The following RORA variants were observed in gnomAD, a reference collection of about 807,000 sequenced individuals.
RORA encodes the protein RAR related orphan receptor A, also known as nuclear receptor ROR-alpha.
Under a neutral mutation model 69.5 loss-of-function variants are expected in RORA, and 7 were observed. The observed-to-expected ratio is 0.10, with a 90% CI of 0.06 to 0.19. RORA has a LOEUF of 0.19. Among genes scored for constraint, RORA ranks in the 10% least tolerant of loss-of-function variants. The pLI is 1.00. For synonymous variants in RORA, 261 were observed against 240.8 expected (o/e 1.08, Z -0.78); for missense variants, 457 against 663.0 (o/e 0.69, Z 3.41).
chr15:61,122,553 G>A (rs1210864785), intron 1 of RORA, among the ~76,000 whole-genome samples: 3 of 152,104 alleles, frequency 2.0e-5, no homozygotes, highest in Non-Finnish European at 4.4e-5. Flanking sequence ...GCTGTATAAC[G>A]TTTAAAGCCC....
intron 1 of RORA, among the ~76,000 whole-genome samples, chr15:61,055,173 G>T (rs2078077304): frequency 6.8e-6 from 1 of 147,418 alleles, no homozygotes; most frequent in Non-Finnish European, 1.5e-5. Context: ...TTAAGTACAA[G>T]GTGCTAAAGG....
chr15:61,142,628 A>T (rs2079310336), intron 1 of RORA, among the ~76,000 whole-genome samples: 1 of 152,236 alleles, frequency 6.6e-6, no homozygotes, highest in South Asian at 2.1e-4. Context: ...AGCAGACAGA[A>T]TCCACCAGTG....
chr15:60,815,603 G>C (rs910115917), intron 1 of RORA, among the ~76,000 whole-genome samples: 6 of 151,846 alleles, frequency 4.0e-5, no homozygotes, highest in Non-Finnish European at 8.8e-5. Flanking sequence ...TTCCCCCACT[G>C]CAGCCAGAGC....
At chr15:61,162,808 G>A (rs1208280757) in intron 1 of RORA, among the ~76,000 whole-genome samples, 3 of 152,168 alleles carry the variant, frequency 2.0e-5, no homozygotes, top group African/African-American at 7.2e-5. Flanking sequence ...CAATAAATGG[G>A]CTGTCTGTGA....
At chr15:60,781,687 G>A (rs1004395113) in intron 1 of RORA, among the ~76,000 whole-genome samples, 2 of 151,880 alleles carry the variant, frequency 1.3e-5, no homozygotes, top group African/African-American at 2.4e-5. Flanking sequence ...CCTCCCTGGG[G>A]TGGGGGGTAG....
chr15:61,069,091 T>C (rs1177253358), intron 1 of RORA, among the ~76,000 whole-genome samples: 1 of 152,224 alleles, frequency 6.6e-6, no homozygotes, highest in African/African-American at 2.4e-5. Context: ...AAAATGGCTA[T>C]GCAGTGGATG....
intron 1 of RORA, among the ~76,000 whole-genome samples, chr15:60,747,968 T>C (rs1156599013): frequency 6.6e-6 from 1 of 152,202 alleles, no homozygotes; most frequent in East Asian, 1.9e-4. Flanking sequence ...TCATTTATAT[T>C]GCATTGCCCA....
At chr15:60,835,975 T>C (rs1431619438) in intron 1 of RORA, among the ~76,000 whole-genome samples, 3 of 152,380 alleles carry the variant, frequency 2.0e-5, no homozygotes, top group Middle Eastern at 3.4e-3. Context: ...ACTCAAGGCA[T>C]ACATGAATAC....
chr15:60,524,004 C>A (rs1400274968), intron 3 of RORA, among the ~76,000 whole-genome samples: 1 of 152,046 alleles, frequency 6.6e-6, no homozygotes, highest in East Asian at 1.9e-4. Context: ...GCCTGTTTCC[C>A]AGCTGTCCTC....
chr15:60,971,358 T>C (rs904539964), intron 1 of RORA, among the ~76,000 whole-genome samples: 1 of 152,234 alleles, frequency 6.6e-6, no homozygotes, highest in African/African-American at 2.4e-5. Flanking sequence ...TCATGGGTCC[T>C]TGCTGGTGTC....
At chr15:60,710,588 A>G (rs1158630233) in intron 1 of RORA, among the ~76,000 whole-genome samples, 1 of 152,208 alleles carries the variant, frequency 6.6e-6, no homozygotes, top group Non-Finnish European at 1.5e-5. Flanking sequence ...CCCGTCTAAG[A>G]TGTGGTGCAG....
At chr15:61,092,225 A>C (rs946340609) in intron 1 of RORA, among the ~76,000 whole-genome samples, 1 of 152,252 alleles carries the variant, frequency 6.6e-6, no homozygotes, top group Non-Finnish European at 1.5e-5. Context: ...GAAATAACGA[A>C]GGGTGCTGGT....
At chr15:60,724,483 T>A (rs1226805089) in intron 1 of RORA, among the ~76,000 whole-genome samples, 1 of 152,186 alleles carries the variant, frequency 6.6e-6, no homozygotes, top group African/African-American at 2.4e-5. Context: ...TTGTGTTTTA[T>A]CCAGGTGTTC....
chr15:61,126,115 G>C (rs941783921), intron 1 of RORA, among the ~76,000 whole-genome samples: 11 of 152,170 alleles, frequency 7.2e-5, no homozygotes, highest in African/African-American at 2.2e-4. Flanking sequence ...AAGGAACCAG[G>C]CTTGGCTAAC....
At chr15:60,542,678 G>A (rs2066927554) in intron 2 of RORA, among the ~76,000 whole-genome samples, 1 of 129,286 alleles carries the variant, frequency 7.7e-6, no homozygotes, top group Non-Finnish European at 1.6e-5. Flanking sequence ...TGGCACACGG[G>A]CACACCTCCC....
chr15:61,113,987 C>A (rs191870178), intron 1 of RORA, among the ~76,000 whole-genome samples: 1 of 152,204 alleles, frequency 6.6e-6, no homozygotes, highest in Admixed American at 6.5e-5. Flanking sequence ...TTACTCACTA[C>A]AGCCTATAAC....
At position 60,819,746 on chromosome 15, in the gene RORA, G is replaced by GACACACACACACACACACACAC. The variant is rs59044853; in HGVS notation, c.167-141082_167-141061dup. Among the ~76,000 whole-genome samples the GACACACACACACACACACACAC allele has an allele frequency of 1.0e-3, 120 of 119,334 alleles. 2 individuals carry two copies. Among genetic ancestry groups the GACACACACACACACACACACAC allele is most frequent in the African/African-American group, 3.6e-3 (108 of 29,880 alleles). 78.3% of individuals were successfully genotyped at this position (119,334 alleles called of 152,430 possible). On this transcript the variant is annotated intron_variant, in intron 1 of 10. Coordinates refer to ENST00000335670, the MANE Select transcript of RORA (RefSeq NM_134261.3). ...CACTCCTGGACTGAAGTCAAACCCA[G>GACACACACACACACACACACAC]ACACACACACACACACACACACACA...
chr15:61,106,362 T>C (rs1350882672), intron 1 of RORA, among the ~76,000 whole-genome samples: 1 of 152,194 alleles, frequency 6.6e-6, no homozygotes, highest in Admixed American at 6.5e-5. Flanking sequence ...ATAGACTAAG[T>C]TCAGAGGAGA....
intron 1 of RORA, among the ~76,000 whole-genome samples, chr15:60,869,955 T>G (rs1227595521): frequency 6.6e-6 from 1 of 152,198 alleles, no homozygotes. Context: ...CAAGAAGAAG[T>G]GACTTGAGGA....
Sources: allele counts gnomAD v4.1 joint callset (sites outside exome capture counted in the v4.1 genomes callset), GRCh38; gene constraint gnomAD v4.1.1; transcripts MANE v1.5; gene names NCBI Gene and HGNC (gene_info 2026-07-23, HGNC 2026-07-21).